The following SERGEF variants were observed in gnomAD, a reference collection of about 807,000 sequenced individuals.
SERGEF encodes secretion-regulating guanine nucleotide exchange factor.
Under a neutral mutation model 50.0 loss-of-function variants are expected in SERGEF, and 51 were observed. The ratio of observed to expected loss-of-function variants is 1.02; its 90% confidence interval spans 0.81 to 1.29. SERGEF has a LOEUF of 1.29. Ranked by LOEUF, SERGEF falls within the 50% of genes most tolerant of loss-of-function variation. The pLI is 0.00. For synonymous variants in SERGEF, 205 were observed against 212.4 expected (o/e 0.97, Z 0.30); for missense variants, 521 against 557.0 (o/e 0.94, Z 0.65).
chr11:17,813,388 A>T (rs886476956), intron 10 of SERGEF, among the ~76,000 whole-genome samples: 3 of 152,208 alleles, frequency 2.0e-5, no homozygotes, highest in Non-Finnish European at 1.5e-5. Flanking sequence ...GCAGGGTTCC[A>T]GTCTTCTAAT....
intron 4 of SERGEF, chr11:18,002,024 G>A (rs1251888649): frequency 2.2e-6 from 1 of 456,280 alleles, no homozygotes; most frequent in Non-Finnish European, 4.4e-6. Flanking sequence ...AGAAAGGGCT[G>A]AGCTTTGGCC....
intron 10 of SERGEF, among the ~76,000 whole-genome samples, chr11:17,843,818 A>C (rs1300777095): frequency 6.6e-6 from 1 of 152,192 alleles, no homozygotes; most frequent in Non-Finnish European, 1.5e-5. Context: ...CTCTAGGGAA[A>C]AAAGGAAAAG....
intron 9 of SERGEF, among the ~76,000 whole-genome samples, chr11:17,906,525 G>A (rs1851844108): frequency 2.0e-5 from 3 of 152,268 alleles, no homozygotes; most frequent in South Asian, 4.1e-4. Flanking sequence ...AAGTGGGGGT[G>A]GGGCGCTTGG....
At chr11:17,979,803 T>G (rs1011186757) in intron 8 of SERGEF, among the ~76,000 whole-genome samples, 1 of 152,232 alleles carries the variant, frequency 6.6e-6, no homozygotes, top group African/African-American at 2.4e-5. Context: ...TGCAGCATAC[T>G]AGGGTTTTAC....
At chr11:17,938,521 GGGACCCTAGACCCCTGATATTAGGA>G (rs1251126430) in intron 9 of SERGEF, among the ~76,000 whole-genome samples, 3 of 152,046 alleles carry the variant, frequency 2.0e-5, no homozygotes, top group African/African-American at 4.8e-5. Context: ...TAGCTCCTCA[GGGACCCTAGACCCCTGATATTAGGA>G]GGACCCCAGA....
intron 1 of SERGEF, chr11:18,012,648 G>A (rs1590254463): frequency 1.7e-6 from 2 of 1,174,466 alleles, no homozygotes; most frequent in East Asian, 4.2e-5. Context: ...GCGCTATTCG[G>A]GCTGGAGGGC....
chr11:18,003,640 T>G (rs1854012621), intron 4 of SERGEF, among the ~76,000 whole-genome samples: 1 of 152,106 alleles, frequency 6.6e-6, no homozygotes, highest in South Asian at 2.1e-4. Context: ...GAGGCGGAGG[T>G]TGCAGTGAGC....
At chr11:17,968,262 A>C (rs1254831053) in intron 8 of SERGEF, among the ~76,000 whole-genome samples, 3 of 152,222 alleles carry the variant, frequency 2.0e-5, no homozygotes, top group Non-Finnish European at 2.9e-5. Flanking sequence ...CTCTCCAAAG[A>C]GAAAACAAAA....
chr11:17,886,776 T>C (rs1332088321), intron 9 of SERGEF, among the ~76,000 whole-genome samples: 1 of 152,136 alleles, frequency 6.6e-6, no homozygotes, highest in Non-Finnish European at 1.5e-5. Context: ...ACAATTAAAC[T>C]AGCCAGGCAG....
intron 10 of SERGEF, among the ~76,000 whole-genome samples, chr11:17,814,711 G>C (rs1849932422): frequency 6.6e-6 from 1 of 152,212 alleles, no homozygotes; most frequent in Non-Finnish European, 1.5e-5. Flanking sequence ...ATCACCCTAG[G>C]TCTGTGAGGA....
intron 8 of SERGEF, among the ~76,000 whole-genome samples, chr11:17,982,746 A>G (rs910582339): frequency 2.0e-5 from 3 of 152,212 alleles, no homozygotes; most frequent in African/African-American, 7.2e-5. Context: ...AATGCAATAA[A>G]ATATTTCTTG....
At chr11:17,830,362 G>C (rs139474060) in intron 10 of SERGEF, among the ~76,000 whole-genome samples, 61 of 152,246 alleles carry the variant, frequency 4.0e-4, no homozygotes, top group African/African-American at 1.4e-3. Context: ...CACTCACTTG[G>C]TGTCTTAGTA....
intron 8 of SERGEF, among the ~76,000 whole-genome samples, chr11:17,973,693 A>G (rs565697589): frequency 1.3e-5 from 2 of 152,316 alleles, no homozygotes; most frequent in South Asian, 2.1e-4. Context: ...AGAGATTAGT[A>G]TAAAAGACCT....
intron 10 of SERGEF, among the ~76,000 whole-genome samples, chr11:17,870,588 G>C (rs1352596688): frequency 6.6e-6 from 1 of 152,216 alleles, no homozygotes; most frequent in African/African-American, 2.4e-5. Flanking sequence ...CAAACTTGAA[G>C]ATAATACATT....
chr11:17,995,998 C>A, intron 5 of SERGEF, 89 bp from the exon 6 acceptor site: 1 of 888,272 alleles, frequency 1.1e-6, no homozygotes, highest in South Asian at 1.4e-5. Context: ...ATGAGAAATT[C>A]CCAATTCTTT....
In SERGEF at chr11:18,000,112, C is replaced by G. The variant is rs567299994; in HGVS notation, c.508+385G>C. Among the ~76,000 whole-genome samples the G allele has an allele frequency of 1.1e-4, 17 of 152,298 alleles. No individual in the cohort carries two copies. In the East Asian group the frequency reaches 1.3e-3, roughly 12 times the overall value. On this transcript the variant is annotated intron_variant, in intron 5 of 10. Transcript: ENST00000265965. The stretch of plus-strand genomic sequence containing the variant: ...TTGAAATATTTCCTAAATGGTTTTT[C>G]TCCTAAAGTTAAGTTTCCTCTTATT...
chr11:17,913,673 T>C (rs1851995623), intron 9 of SERGEF, among the ~76,000 whole-genome samples: 2 of 152,174 alleles, frequency 1.3e-5, no homozygotes, highest in African/African-American at 4.8e-5. Flanking sequence ...AGGAAAAAGC[T>C]AGGCTAGAGA....
At chr11:17,907,262 A>C (rs1480646963) in intron 9 of SERGEF, among the ~76,000 whole-genome samples, 1 of 151,996 alleles carries the variant, frequency 6.6e-6, no homozygotes, top group Admixed American at 6.6e-5. Context: ...CTAAATAATT[A>C]AGACCTTGAG....
At chr11:17,797,104 A>G (rs2133822359) in intron 10 of SERGEF, among the ~76,000 whole-genome samples, 1 of 152,336 alleles carries the variant, frequency 6.6e-6, no homozygotes, top group Non-Finnish European at 1.5e-5. Flanking sequence ...CACCAGTGCC[A>G]TCACCCCTCA....
Sources: gnomAD v4.1 joint callset for allele counts (sites outside exome capture counted in the v4.1 genomes callset) on GRCh38, gnomAD v4.1.1 for gene constraint, MANE v1.5 for transcripts, NCBI Gene and HGNC (gene_info 2026-07-23, HGNC 2026-07-21) for gene names.